SLC35F4: variants seen among roughly 807,000 people sequenced by gnomAD.
SLC35F4 encodes chromosome 14 open reading frame 36.
Under a neutral mutation model 44.2 loss-of-function variants are expected in SLC35F4, and 24 were observed. The ratio of observed to expected loss-of-function variants is 0.54; its 90% CI spans 0.39 to 0.76. The LOEUF is 0.76. Among genes scored for constraint, SLC35F4 ranks in the 30% least tolerant of loss-of-function variants. The pLI, the probability that SLC35F4 is intolerant of heterozygous loss-of-function variation, is 0.00. For missense variants in SLC35F4, 562 were observed against 586.1 expected, an observed-to-expected ratio of 0.96 and a Z score of 0.42; for synonymous variants, 238 against 223.6, an observed-to-expected ratio of 1.06 and a Z score of -0.57.
At position 57,581,359 on chromosome 14, in the gene SLC35F4, A is replaced by C; in HGVS notation, c.662T>G (p.Ile221Ser). Residue 221 changes from isoleucine (I) to serine (S), a missense_variant, in exon 4 of 8, where the codon ATT becomes AGT. Transcript: ENST00000556826. ...LFLKRTAPFSILWTLTNYLYL... is the reference protein window; with the variant it reads ...LFLKRTAPFSSLWTLTNYLYL... ...AAGGTAATTAGTCAAAGTCCATAGA[A>C]TAGAAAAGGGAGCAGTTCTTTTAAG... The C allele has an allele frequency of 6.2e-7, 1 of 1,613,514 alleles. No homozygotes were observed. The highest frequency in any genetic ancestry group is 8.5e-7 in the Non-Finnish European group (1 of 1,179,720).
rs188982776 is a variant in SLC35F4 at position 57,814,072 on chromosome 14, T to C, written c.103+51651A>G. ...CCCAGGATGCAGCTGTATGTATGTATTGAACTTTAACATGTTCATCTGCTG... is the reference window on the plus strand; with the variant it reads ...CCCAGGATGCAGCTGTATGTATGTACTGAACTTTAACATGTTCATCTGCTG... On this transcript the variant is annotated intron_variant, in intron 1 of 7. Transcript: ENST00000556826. 3.0e-4 allele frequency among the ~76,000 whole-genome samples: 46 copies of C among 152,348 alleles called. No individual in the cohort carries two copies. The East Asian group carries it at 7.9e-3, about 26-fold the overall frequency.
intron 1 of SLC35F4, among the ~76,000 whole-genome samples, chr14:57,595,106 G>GGT (rs1195293455): frequency 6.6e-6 from 1 of 152,112 alleles, no homozygotes; most frequent in African/African-American, 2.4e-5. Flanking sequence ...ACCCTATTCA[G>GGT]GATACCACAT....
intron 1 of SLC35F4, among the ~76,000 whole-genome samples, chr14:57,791,244 G>A (rs569960173): frequency 1.3e-5 from 2 of 152,092 alleles, no homozygotes; most frequent in South Asian, 4.2e-4. Flanking sequence ...ATCTGACAAA[G>A]GTCTAATATC....
At chr14:57,839,370 A>C (rs899715672) in intron 1 of SLC35F4, among the ~76,000 whole-genome samples, 1 of 152,220 alleles carries the variant, frequency 6.6e-6, no homozygotes, top group Admixed American at 6.5e-5. Flanking sequence ...AAATGTGCAC[A>C]CATATACACA....
intron 1 of SLC35F4, among the ~76,000 whole-genome samples, chr14:57,828,652 G>T (rs1884038497): frequency 6.6e-6 from 1 of 152,130 alleles, no homozygotes; most frequent in African/African-American, 2.4e-5. Context: ...GAAGTCCATT[G>T]TGTCACAGAA....
chr14:57,650,101 C>T (rs2073723639), intron 1 of SLC35F4, among the ~76,000 whole-genome samples: 1 of 152,058 alleles, frequency 6.6e-6, no homozygotes, highest in Non-Finnish European at 1.5e-5. Flanking sequence ...GTGACTTCTC[C>T]ACCTTATCAT....
At position 57,581,954 on chromosome 14, in the gene SLC35F4, C is replaced by G. The variant is rs182734724; in HGVS notation, c.588-521G>C. ...TCTGCCCAATTGACTAATTTTTTTT[C>G]CTGCCAGCATTTTTAAGGCAGAAAA... On this transcript the variant is annotated intron_variant, in intron 3 of 7. Coordinates refer to ENST00000556826, the MANE Select transcript of SLC35F4 (RefSeq NM_001306087.2). Among the ~76,000 whole-genome samples the G allele has an allele frequency of 1.1e-3, 171 of 152,202 alleles. 1 individual carries two copies. Among genetic ancestry groups the G allele is most frequent in the African/African-American group, 3.8e-3 (156 of 41,552 alleles).
At chr14:57,695,308 T>A (rs868229054) in intron 1 of SLC35F4, among the ~76,000 whole-genome samples, 56 of 151,582 alleles carry the variant, frequency 3.7e-4, no homozygotes, top group African/African-American at 1.3e-3. Flanking sequence ...TACAATGAAC[T>A]CAAACAAATT....
intron 1 of SLC35F4, among the ~76,000 whole-genome samples, chr14:57,859,734 C>G (rs954880889): frequency 1.3e-5 from 2 of 152,062 alleles, no homozygotes; most frequent in Admixed American, 1.3e-4. Context: ...AGGCAGTGAT[C>G]GCAGGACTGG....
intron 1 of SLC35F4, among the ~76,000 whole-genome samples, chr14:57,726,133 A>G (rs1023071201): frequency 7.9e-5 from 12 of 152,212 alleles, no homozygotes; most frequent in African/African-American, 2.9e-4. Context: ...CTACTACTCC[A>G]CAACAGAGGC....
upstream of SLC35F4, among the ~76,000 whole-genome samples, chr14:57,867,157 G>A (rs1888190076): frequency 6.6e-6 from 1 of 151,570 alleles, no homozygotes. Context: ...AGCTTAGGGA[G>A]AAGAAAAAAA....
At chr14:57,897,318 T>G (rs901899245) in intron 1 of SLC35F4, among the ~76,000 whole-genome samples, 1 of 151,928 alleles carries the variant, frequency 6.6e-6, no homozygotes, top group Non-Finnish European at 1.5e-5. Context: ...GGCCTGCAAT[T>G]CTATTAAACT....
At chr14:57,616,651 G>A (rs1451439714) in intron 1 of SLC35F4, among the ~76,000 whole-genome samples, 1 of 152,140 alleles carries the variant, frequency 6.6e-6, no homozygotes, top group Non-Finnish European at 1.5e-5. Context: ...ACTGTCTACT[G>A]TCTCCATCAC....
intron 1 of SLC35F4, among the ~76,000 whole-genome samples, chr14:57,713,382 C>G (rs772739691): frequency 6.6e-5 from 10 of 152,160 alleles, no homozygotes; most frequent in Non-Finnish European, 8.8e-5. Context: ...GACCCTCCAT[C>G]TGGTGGTTCT....
chr14:57,674,542 TAC>T (rs1421714310), intron 1 of SLC35F4, among the ~76,000 whole-genome samples: 1 of 152,058 alleles, frequency 6.6e-6, no homozygotes, highest in African/African-American at 2.4e-5. Context: ...AGAAAAGAAT[TAC>T]TAGTGAATGC....
intron 1 of SLC35F4, among the ~76,000 whole-genome samples, chr14:57,788,485 A>C (rs2077825981): frequency 6.6e-6 from 1 of 152,162 alleles, no homozygotes; most frequent in South Asian, 2.1e-4. Flanking sequence ...CAGTGCATGG[A>C]ACTTTCTCCA....
intron 1 of SLC35F4, among the ~76,000 whole-genome samples, chr14:57,663,496 C>T (rs541415152): frequency 7.9e-5 from 12 of 152,152 alleles, no homozygotes; most frequent in Admixed American, 2.0e-4. Context: ...ACTCTCTGCT[C>T]AGCAGCCTCT....
intron 1 of SLC35F4, among the ~76,000 whole-genome samples, chr14:57,719,802 T>C (rs1028110801): frequency 1.3e-5 from 2 of 152,126 alleles, no homozygotes; most frequent in Non-Finnish European, 2.9e-5. Flanking sequence ...ATACCCTTTA[T>C]TTTTTTCTCT....
intron 1 of SLC35F4, among the ~76,000 whole-genome samples, chr14:57,962,836 C>T (rs913292079): frequency 3.3e-5 from 5 of 152,330 alleles, no homozygotes. Context: ...CAGCACACTG[C>T]GCAAAACCTC....
Sources: allele counts gnomAD v4.1 joint callset (sites outside exome capture counted in the v4.1 genomes callset), GRCh38; gene constraint gnomAD v4.1.1; transcripts MANE v1.5; gene names NCBI Gene and HGNC (gene_info 2026-07-23, HGNC 2026-07-21).